FBP1: variants seen among roughly 807,000 people sequenced by gnomAD.
FBP1 encodes fructose-1,6-bisphosphatase 1.
A neutral mutation model predicts 29.9 loss-of-function variants in FBP1; 22 were observed. The ratio of observed to expected loss-of-function variants is 0.74; its 90% CI spans 0.53 to 1.05. FBP1 has a LOEUF of 1.05. FBP1 is among the 50% of genes least tolerant of loss of function. The probability of loss-of-function intolerance (pLI) is 0.00; values close to 1 mark genes in which losing one functional copy is unlikely to be tolerated. For synonymous variants in FBP1, 175 were observed against 178.6 expected (o/e 0.98, Z 0.16); for missense variants, 345 against 448.2 (o/e 0.77, Z 2.08).
intron 1 of FBP1, among the ~76,000 whole-genome samples, chr9:94,633,279 C>T (rs577745455): frequency 1.3e-5 from 2 of 152,278 alleles, no homozygotes; most frequent in Admixed American, 6.5e-5. Context: ...ACTCAACTGA[C>T]GGCTCCCCCT....
rs1042770831 is a variant in FBP1 at position 94,610,932 on chromosome 9, C to G, written c.427-871G>C. ...AGGCTGGAGTGCAGTGGTGCTATCT[C>G]GGCTCACTGCAAGCTCCGCCTCGCG... is the stretch of plus-strand genomic sequence containing the variant. On this transcript the variant is annotated intron_variant, in intron 3 of 6. Coordinates refer to ENST00000375326, the MANE Select transcript of FBP1 (RefSeq NM_000507.4). Among the ~76,000 whole-genome samples the G allele has an allele frequency of 2.7e-5, 4 of 150,552 alleles. No individual in the cohort carries two copies. The Admixed American group carries it at 2.7e-4, about 10-fold the overall frequency.
At chr9:94,606,646 G>A (rs1827704221) in intron 5 of FBP1, among the ~76,000 whole-genome samples, 169 bp downstream of exon 5, 1 of 152,032 alleles carries the variant, frequency 6.6e-6, no homozygotes, top group South Asian at 2.1e-4. Context: ...TCACCTTTAG[G>A]GTAAGTCATC....
intron 5 of FBP1, 42 bp from the exon 6 acceptor site, chr9:94,605,618 A>C: frequency 1.5e-6 from 2 of 1,357,930 alleles, no homozygotes; most frequent in South Asian, 1.4e-5. Context: ...GCAGAAAATA[A>C]GAAAGAGAGT....
intron 4 of FBP1, among the ~76,000 whole-genome samples, chr9:94,608,956 T>A (rs369223184): frequency 5.3e-4 from 81 of 152,216 alleles, no homozygotes; most frequent in African/African-American, 1.9e-3. Flanking sequence ...ATCCCAGCAC[T>A]TTGGGAGGCT....
intron 1 of FBP1, among the ~76,000 whole-genome samples, chr9:94,626,098 C>T (rs1287962607): frequency 6.6e-6 from 1 of 152,086 alleles, no homozygotes; most frequent in Admixed American, 6.6e-5. Flanking sequence ...CTTCTCTTTA[C>T]CCCCAGTAAG....
chr9:94,624,551 G>A (rs953847197), intron 1 of FBP1, among the ~76,000 whole-genome samples: 1 of 151,806 alleles, frequency 6.6e-6, no homozygotes, highest in African/African-American at 2.4e-5. Context: ...TACTTGGGAA[G>A]CTGAGGCAGG....
upstream of FBP1, among the ~76,000 whole-genome samples, chr9:94,639,887 A>C (rs556432861): frequency 6.6e-6 from 1 of 152,184 alleles, no homozygotes; most frequent in Admixed American, 6.5e-5. Flanking sequence ...TAGGCAGCGA[A>C]ACCCGCAGCC....
chr9:94,607,308 T>C (rs1476264567), intron 4 of FBP1, among the ~76,000 whole-genome samples: 1 of 152,100 alleles, frequency 6.6e-6, no homozygotes, highest in Non-Finnish European at 1.5e-5. Context: ...ATATAAGATG[T>C]GTATGCCTTT....
chr9:94,625,173 G>T (rs1263827631), intron 1 of FBP1, among the ~76,000 whole-genome samples: 2 of 116,814 alleles, frequency 1.7e-5, no homozygotes, highest in African/African-American at 2.6e-5. Context: ...CCTACGAGAG[G>T]TTACAGTCAG....
At chr9:94,638,825 T>C (rs1451437396) in intron 1 of FBP1, among the ~76,000 whole-genome samples, 1 of 152,008 alleles carries the variant, frequency 6.6e-6, no homozygotes, top group Non-Finnish European at 1.5e-5. Context: ...TGCCCACACT[T>C]GGCCGGCTGA....
At chr9:94,606,029 G>T (rs1191760836) in intron 5 of FBP1, among the ~76,000 whole-genome samples, 2 of 152,102 alleles carry the variant, frequency 1.3e-5, no homozygotes, top group African/African-American at 2.4e-5. Flanking sequence ...TGGGACTCGG[G>T]TGTGCGTGTG....
chr9:94,637,237 C>T (rs137988500), intron 1 of FBP1, among the ~76,000 whole-genome samples: 23 of 152,214 alleles, frequency 1.5e-4, no homozygotes, highest in African/African-American at 5.5e-4. Context: ...ATTACCTCCA[C>T]CAGTCCATAC....
intron 4 of FBP1, among the ~76,000 whole-genome samples, chr9:94,609,275 T>C (rs1268346137): frequency 6.6e-6 from 1 of 152,156 alleles, no homozygotes; most frequent in Admixed American, 6.5e-5. Context: ...GGAGCTATTT[T>C]TGAAGAAGCA....
chr9:94,620,835 C>G (rs535018069), intron 1 of FBP1, among the ~76,000 whole-genome samples: 1 of 152,298 alleles, frequency 6.6e-6, no homozygotes, highest in Middle Eastern at 3.4e-3. Context: ...ATGGGTGCAG[C>G]AAACCACCAT....
intron 1 of FBP1, among the ~76,000 whole-genome samples, chr9:94,632,142 T>C (rs1828113402): frequency 6.6e-6 from 1 of 152,090 alleles, no homozygotes; most frequent in African/African-American, 2.4e-5. Context: ...TAAAACGAAA[T>C]CTGAAGCTCT....
chr9:94,624,484 C>G (rs1294748129), intron 1 of FBP1, among the ~76,000 whole-genome samples: 2 of 152,014 alleles, frequency 1.3e-5, no homozygotes, highest in Admixed American at 1.3e-4. Context: ...GAAGTCCTAT[C>G]TCTACTAAAT....
In FBP1 at chr9:94,637,656, G is replaced by A. The variant is rs186154048; in HGVS notation, c.170+1485C>T. ...TCCACCTGTTTCGGCCTCCCAAAGTGCTGGGATGACAGGCTAGAGCCTACG... is the reference window on the plus strand; with the variant it reads ...TCCACCTGTTTCGGCCTCCCAAAGTACTGGGATGACAGGCTAGAGCCTACG... On this transcript the variant is annotated intron_variant, in intron 1 of 6. Transcript: ENST00000375326. 1.9e-3 allele frequency among the ~76,000 whole-genome samples: 293 copies of A among 152,154 alleles called. 2 individuals carry two copies. Among genetic ancestry groups the A allele is most frequent in the African/African-American group, 6.6e-3 (275 of 41,520 alleles).
chr9:94,631,178 G>A (rs1828100186), intron 1 of FBP1, among the ~76,000 whole-genome samples: 1 of 152,212 alleles, frequency 6.6e-6, no homozygotes, highest in African/African-American at 2.4e-5. Flanking sequence ...ACCAGGCAGG[G>A]TTGAAGTCTC....
chr9:94,636,883 T>C (rs1234195871), intron 1 of FBP1, among the ~76,000 whole-genome samples: 1 of 151,980 alleles, frequency 6.6e-6, no homozygotes, highest in Non-Finnish European at 1.5e-5. Flanking sequence ...GAGACAGGGT[T>C]TCACCATGTT....
Sources: gnomAD v4.1 joint callset for allele counts (sites outside exome capture counted in the v4.1 genomes callset) on GRCh38, gnomAD v4.1.1 for gene constraint, MANE v1.5 for transcripts, NCBI Gene and HGNC (gene_info 2026-07-23, HGNC 2026-07-21) for gene names.